The following KCNIP1 variants were observed in gnomAD, a reference collection of about 807,000 sequenced individuals.
The protein encoded by KCNIP1 is potassium voltage-gated channel interacting protein 1.
In KCNIP1, 18 loss-of-function variants were observed where a neutral mutation model predicts 33.0. The observed-to-expected ratio is 0.55, with a 90% CI of 0.38 to 0.81. KCNIP1 has a LOEUF of 0.81. Ranked by LOEUF, KCNIP1 falls within the 30% of genes least tolerant of loss-of-function variation. KCNIP1 has a pLI of 0.00. For synonymous variants in KCNIP1, 93 were observed against 98.3 expected (o/e 0.95, Z 0.32); for missense variants, 238 against 271.6 (o/e 0.88, Z 0.87).
intron 1 of KCNIP1, among the ~76,000 whole-genome samples, chr5:170,361,953 T>C (rs1344079632): frequency 2.0e-5 from 3 of 152,264 alleles, no homozygotes; most frequent in East Asian, 3.9e-4. Context: ...ACTAAGTAAA[T>C]GGCTTTTTTT....
chr5:170,733,967 A>G (rs1489100548), intron 7 of KCNIP1, 69 bp downstream of exon 7: 10 of 1,326,880 alleles, frequency 7.5e-6, no homozygotes, highest in Admixed American at 1.8e-5. Context: ...GGGGACCTGC[A>G]GAAGGAAGGT....
At chr5:170,587,421 C>CAAAAA (rs56358014) in intron 1 of KCNIP1, among the ~76,000 whole-genome samples, 11 of 70,336 alleles carry the variant, frequency 1.6e-4, no homozygotes, top group African/African-American at 5.4e-4. Flanking sequence ...GACTCTGTCT[C>CAAAAA]AAAAAAAAAA....
intron 1 of KCNIP1, among the ~76,000 whole-genome samples, chr5:170,691,861 C>T (rs752510678): frequency 1.6e-4 from 24 of 150,710 alleles, no homozygotes; most frequent in Non-Finnish European, 2.2e-4. Flanking sequence ...AAACACCACT[C>T]GAGATCCTCA....
At chr5:170,629,659 G>T (rs1388311564) in intron 1 of KCNIP1, among the ~76,000 whole-genome samples, 2 of 152,140 alleles carry the variant, frequency 1.3e-5, no homozygotes, top group Non-Finnish European at 2.9e-5. Context: ...CTGCAGGGTG[G>T]CATCAGCATT....
chr5:170,589,641 G>T (rs1758131465), intron 1 of KCNIP1, among the ~76,000 whole-genome samples: 1 of 152,190 alleles, frequency 6.6e-6, no homozygotes, highest in Non-Finnish European at 1.5e-5. Flanking sequence ...CCCCTTGGAG[G>T]AGGCACTGTA....
chr5:170,628,450 C>G (rs1256097503), intron 1 of KCNIP1, among the ~76,000 whole-genome samples: 1 of 152,104 alleles, frequency 6.6e-6, no homozygotes, highest in Non-Finnish European at 1.5e-5. Flanking sequence ...GTGTTAAAGT[C>G]AGAATTTCAA....
intron 1 of KCNIP1, among the ~76,000 whole-genome samples, chr5:170,571,153 G>A (rs976349002): frequency 6.6e-6 from 1 of 152,172 alleles, no homozygotes; most frequent in Non-Finnish European, 1.5e-5. Flanking sequence ...TCCACCATCT[G>A]CCCGGTCCTC....
chr5:170,439,539 C>A (rs543433435), intron 1 of KCNIP1, among the ~76,000 whole-genome samples: 3 of 152,294 alleles, frequency 2.0e-5, no homozygotes, highest in Admixed American at 6.5e-5. Context: ...TGCCACTCCA[C>A]ACGTAGGAGG....
rs185590023 is a variant in KCNIP1, at chr5:170,627,873, C to T, written c.62-90885C>T. ...TGGGGCTCCCCTTGATCCCAAAGCTCCAGGGACCCCAAAGAAACGTATCAG... is the reference window on the plus strand; with the variant it reads ...TGGGGCTCCCCTTGATCCCAAAGCTTCAGGGACCCCAAAGAAACGTATCAG... On this transcript the variant is annotated intron_variant, in intron 1 of 7. Transcript: ENST00000328939. Among the ~76,000 whole-genome samples, 241 of 152,304 alleles carry T rather than the reference C, an allele frequency of 1.6e-3. 1 individual carries two copies. Among genetic ancestry groups the T allele is most frequent in the African/African-American group, 5.5e-3 (227 of 41,574 alleles).
chr5:170,727,830 A>G (rs567594360), intron 5 of KCNIP1, among the ~76,000 whole-genome samples: 2 of 150,412 alleles, frequency 1.3e-5, no homozygotes, highest in African/African-American at 4.9e-5. Flanking sequence ...GCTCCCAGCT[A>G]CTCCAGAGGC....
At chr5:170,713,314 CAA>C (rs1763523008) in intron 1 of KCNIP1, among the ~76,000 whole-genome samples, 1 of 152,112 alleles carries the variant, frequency 6.6e-6, no homozygotes, top group Non-Finnish European at 1.5e-5. Flanking sequence ...CTTTGTGCAA[CAA>C]AGTGGCATGT....
intron 1 of KCNIP1, among the ~76,000 whole-genome samples, chr5:170,667,487 C>T (rs564456877): frequency 2.6e-5 from 4 of 152,210 alleles, no homozygotes; most frequent in Admixed American, 2.0e-4. Flanking sequence ...GAAATTCATC[C>T]GGTCCTTCTT....
rs184924323 is a variant in KCNIP1 at position 170,710,719 on chromosome 5, G to A, written c.62-8039G>A. Among the ~76,000 whole-genome samples, 42 of 152,264 alleles carry A rather than the reference G, an allele frequency of 2.8e-4. 1 individual carries two copies. The highest frequency in any genetic ancestry group is 1.7e-3 in the South Asian group (8 of 4,824). ...CCTTTTTATCCAGTTGTTCTCAAGG[G>A]ATTCCACCCCTGCATAGGAGAGCTC... On this transcript the variant is annotated intron_variant, in intron 1 of 7. Transcript: ENST00000328939.
intron 1 of KCNIP1, among the ~76,000 whole-genome samples, chr5:170,528,356 C>G (rs1755656575): frequency 6.6e-6 from 1 of 152,206 alleles, no homozygotes; most frequent in African/African-American, 2.4e-5. Context: ...CTCCTAACAC[C>G]ATCGGGTGAC....
chr5:170,481,551 A>G (rs1261965966), intron 1 of KCNIP1, among the ~76,000 whole-genome samples: 2 of 152,192 alleles, frequency 1.3e-5, no homozygotes, highest in African/African-American at 4.8e-5. Flanking sequence ...TCTCAATGAG[A>G]TACTTAACAT....
At chr5:170,353,669 G>C in exon 1 of KCNIP1, 1 of 600,246 alleles carries the variant, frequency 1.7e-6, no homozygotes, top group Non-Finnish European at 3.0e-6. Flanking sequence ...GGTGGAGAGA[G>C]GGAGGGAGAG....
At chr5:170,422,135 C>G (rs1755509119) in intron 1 of KCNIP1, 1 of 152,308 alleles carries the variant, frequency 6.6e-6, no homozygotes, top group South Asian at 2.1e-4. Context: ...ATACAGTCTT[C>G]CCAGGAGAGA....
chr5:170,412,856 A>G (rs540560316), intron 1 of KCNIP1, among the ~76,000 whole-genome samples: 4 of 152,080 alleles, frequency 2.6e-5, no homozygotes, highest in African/African-American at 9.6e-5. Context: ...TGATCACCCT[A>G]TTCAAATTTT....
At chr5:170,692,183 A>G (rs901174801) in intron 1 of KCNIP1, among the ~76,000 whole-genome samples, 2 of 152,132 alleles carry the variant, frequency 1.3e-5, no homozygotes, top group East Asian at 1.9e-4. Context: ...ACAGGCTACT[A>G]CAGCCAGGTT....
Sources: gnomAD v4.1 joint callset for allele counts (sites outside exome capture counted in the v4.1 genomes callset) on GRCh38, gnomAD v4.1.1 for gene constraint, MANE v1.5 for transcripts, NCBI Gene and HGNC (gene_info 2026-07-23, HGNC 2026-07-21) for gene names.